FREM3: variants seen among roughly 807,000 people sequenced by gnomAD.
The protein encoded by FREM3 is FRAS1-related extracellular matrix protein 3.
FREM3 carries 105 observed loss-of-function variants against 129.1 expected under a neutral mutation model. The observed-to-expected ratio is 0.81, with a 90% confidence interval of 0.69 to 0.96. The LOEUF (loss-of-function observed/expected upper bound fraction) is 0.96, where lower values mean the gene tolerates loss of function less well. FREM3 is among the 40% of genes least tolerant of loss of function. The pLI is 0.00. For missense variants in FREM3, 2,593 were observed against 2,666.3 expected (o/e 0.97, Z 0.61); for synonymous variants, 1,014 against 1,044.9 (o/e 0.97, Z 0.57).
intron 7 of FREM3, among the ~76,000 whole-genome samples, chr4:143,582,561 G>C (rs368933397): frequency 1.3e-5 from 2 of 152,182 alleles, no homozygotes; most frequent in Non-Finnish European, 2.9e-5. Flanking sequence ...AGCCCATACA[G>C]ATGAGAAAGA....
intron 6 of FREM3, 71 bp downstream of exon 6, chr4:143,611,208 C>T (rs1738749130): frequency 6.9e-7 from 1 of 1,456,056 alleles, no homozygotes. Context: ...CTACATTTGC[C>T]TTTCAACTGT....
rs1365520723 is a variant in FREM3 at position 143,696,648 on chromosome 4, CTG to C, written c.4026_4027del (p.Ser1343PhefsTer36). ...TTGAGGCCCAGAATGGAGGACAAAA[CTG>C]AGGCTTTTATCATCTGAGTCAAGAT... is the stretch of plus-strand genomic sequence containing the variant. On this transcript the variant is annotated frameshift_variant, in exon 1 of 8. Transcript: ENST00000329798. LOFTEE classifies it high-confidence loss of function. 6.5e-7 allele frequency: 1 copy of C among 1,537,846 alleles called. No individual in the cohort carries two copies. The highest frequency in any genetic ancestry group is 2.0e-5 in the Admixed American group (1 of 51,004).
At chr4:143,627,470 C>G (rs184102607) in intron 3 of FREM3, 144 bp downstream of exon 3, 1 of 718,812 alleles carries the variant, frequency 1.4e-6, no homozygotes, top group African/African-American at 1.8e-5. Flanking sequence ...GCAAAAACCA[C>G]GGCACATTTT....
intron 6 of FREM3, among the ~76,000 whole-genome samples, chr4:143,605,781 A>G (rs1489323545): frequency 6.6e-6 from 1 of 152,186 alleles, no homozygotes; most frequent in African/African-American, 2.4e-5. Context: ...CAAAAAATTT[A>G]CTACTTTATA....
intron 2 of FREM3, among the ~76,000 whole-genome samples, chr4:143,635,422 A>G (rs1442897726): frequency 1.3e-5 from 2 of 152,184 alleles, no homozygotes; most frequent in South Asian, 2.1e-4. Context: ...TACTACTGAC[A>G]TTATGGGCTA....
rs904611673 is a variant in FREM3, at chr4:143,700,135, G to A, written c.541C>T (p.Leu181=). 6.5e-7 allele frequency: 1 copy of A among 1,536,930 alleles called. No homozygotes were observed. Among genetic ancestry groups the A allele is most frequent in the Admixed American group, 2.0e-5 (1 of 50,986 alleles). ...TRNRPLVVEK[L]RSWSRAIDRR... Reference sequence around the variant, plus strand: ...TCTATGGCGCGGCTCCAGCTTCGCAGCTTCTCCACTACCAAAGGCCTGTTA... The same window carrying A: ...TCTATGGCGCGGCTCCAGCTTCGCAACTTCTCCACTACCAAAGGCCTGTTA... The change falls in exon 1 of 8, where the codon CTG becomes TTG. Residue 181 remains leucine, a synonymous_variant. Transcript: ENST00000329798.
Position 143,697,465 on chromosome 4 carries a change from T to C in FREM3, c.3211A>G (p.Lys1071Glu), listed in dbSNP as rs1740596721. ...TVLPVDNVGP[K>E]VFVGESFIVY... The stretch of plus-strand genomic sequence containing the variant: ...ATGAAGGACTCCCCGACGAAGACCT[T>C]GGGTCCCACATTGTCCACAGGCAGC... The change falls in exon 1 of 8, where the codon AAG (lysine) becomes GAG (glutamate). Residue 1071 changes from lysine to glutamate, a missense_variant. By Grantham distance (56) the Lys-to-Glu change is moderately conservative (BLOSUM62 1). This residue lies in a region of FREM3 where 2,276 missense variants were observed against 2,267.2 expected (regional missense o/e 1.00). Transcript: ENST00000329798. The C allele has an allele frequency of 6.5e-7, 1 of 1,537,206 alleles. No homozygotes were observed. Among genetic ancestry groups the C allele is most frequent in the East Asian group, 2.4e-5 (1 of 40,910 alleles).
intron 6 of FREM3, among the ~76,000 whole-genome samples, chr4:143,598,452 C>T (rs999882931): frequency 2.6e-5 from 4 of 152,120 alleles, no homozygotes; most frequent in Non-Finnish European, 5.9e-5. Flanking sequence ...AGCTTCTGGA[C>T]ATCTATAGTA....
chr4:143,626,515 T>C (rs1337038908), intron 3 of FREM3, among the ~76,000 whole-genome samples: 1 of 152,182 alleles, frequency 6.6e-6, no homozygotes, highest in Non-Finnish European at 1.5e-5. Context: ...AATATCCTTC[T>C]TGACATTTTA....
At position 143,639,047 on chromosome 4, in the gene FREM3, G is replaced by T. The variant is rs72723190; in HGVS notation, c.5276-11287C>A. On this transcript the variant is annotated intron_variant, in intron 2 of 7. Coordinates refer to ENST00000329798, the MANE Select transcript of FREM3 (RefSeq NM_001168235.2). ...ATTCTTCCTTTTTGTGCTATGTAAG[G>T]ATCCTTCTGTGTTGTTATAAGGATC... is the stretch of plus-strand genomic sequence containing the variant. Among the ~76,000 whole-genome samples the T allele has an allele frequency of 3.9e-3, 600 of 152,182 alleles. 5 individuals are homozygous for T. Among genetic ancestry groups the T allele is most frequent in the South Asian group, 0.014 (68 of 4,822 alleles).
At chr4:143,647,032 C>T (rs532955049) in intron 2 of FREM3, among the ~76,000 whole-genome samples, 1 of 152,148 alleles carries the variant, frequency 6.6e-6, no homozygotes, top group African/African-American at 2.4e-5. Flanking sequence ...TTCCTAGAGA[C>T]TTGTTGAATG....
intron 7 of FREM3, among the ~76,000 whole-genome samples, chr4:143,581,860 T>G (rs1301135636): frequency 6.6e-6 from 1 of 152,066 alleles, no homozygotes; most frequent in Non-Finnish European, 1.5e-5. Flanking sequence ...CCTTTGTTAC[T>G]GCCACTGTAG....
At chr4:143,625,243 C>T (rs1266243028) in intron 3 of FREM3, among the ~76,000 whole-genome samples, 1 of 152,108 alleles carries the variant, frequency 6.6e-6, no homozygotes, top group African/African-American at 2.4e-5. Context: ...ACCAAGAAAA[C>T]AATACCCATG....
chr4:143,584,213 T>C (rs917883852), intron 7 of FREM3, among the ~76,000 whole-genome samples: 5 of 151,848 alleles, frequency 3.3e-5, no homozygotes, highest in South Asian at 2.1e-4. Flanking sequence ...ATCGAGACCA[T>C]CCTGGCTAAC....
chr4:143,693,147 T>C lies in FREM3; in HGVS notation c.5241A>G (p.Ser1747=). 6.6e-7 allele frequency: 1 copy of C among 1,522,760 alleles called. No individual in the cohort carries two copies. The highest frequency in any genetic ancestry group is 8.8e-7 in the Non-Finnish European group (1 of 1,138,360). 94.3% of individuals were successfully genotyped at this position (1,522,760 alleles called of 1,614,324 possible). ...SYVLNEGSNA[S]KDIFYFSVED... is the part of the protein sequence containing the mutation. The stretch of plus-strand genomic sequence containing the variant: ...CAACAGAGAAATAGAAGATGTCCTT[T>C]GATGCGTTGCTGCCCTCATTCAAGA... Residue 1747 remains serine, a synonymous_variant, in exon 2 of 8, where the codon TCA becomes TCG. Transcript: ENST00000329798.
chr4:143,632,083 A>T (rs547306775), intron 2 of FREM3, among the ~76,000 whole-genome samples: 70 of 152,272 alleles, frequency 4.6e-4, no homozygotes, highest in Non-Finnish European at 7.4e-4. Flanking sequence ...TTTTTGAAGG[A>T]TGATTGATGA....
chr4:143,648,563 C>T (rs1739459931), intron 2 of FREM3, among the ~76,000 whole-genome samples: 1 of 152,196 alleles, frequency 6.6e-6, no homozygotes, highest in African/African-American at 2.4e-5. Flanking sequence ...AGTGACTTCT[C>T]ATGAGATCTG....
chr4:143,695,797 C>G lies in FREM3; in HGVS notation c.4879G>C (p.Gly1627Arg), dbSNP rs956700509. 3 of 1,537,220 alleles carry G rather than the reference C, an allele frequency of 2.0e-6. No homozygotes were observed. Among genetic ancestry groups the G allele is most frequent in the Non-Finnish European group, 1.7e-6 (2 of 1,146,904 alleles). The change falls in exon 1 of 8, where the codon GGC becomes CGC. Residue 1627 changes from glycine to arginine, a missense_variant. This residue lies in a region of FREM3 where 2,276 missense variants were observed against 2,267.2 expected (regional missense o/e 1.00). Transcript: ENST00000329798. Reference protein sequence around the residue: ...EDSFSLTVTDGTHTDFYVLPD... With the variant: ...EDSFSLTVTDRTHTDFYVLPD... ...AGGACATAGAAATCAGTGTGAGTGCCGTCTGTCACAGTCAAGGAGAAACTA... is the reference window on the plus strand; with the variant it reads ...AGGACATAGAAATCAGTGTGAGTGCGGTCTGTCACAGTCAAGGAGAAACTA...
In FREM3 at chr4:143,696,270, C is replaced by T. The variant is rs764816331; in HGVS notation, c.4406G>A (p.Ser1469Asn). 5.9e-6 allele frequency: 9 copies of T among 1,537,626 alleles called. No individual in the cohort carries two copies. The African/African-American group carries it at 1.1e-4, about 19-fold the overall frequency. The stretch of plus-strand genomic sequence containing the variant: ...GTCAGAACTTTCTAAGTGACCCAGG[C>T]TTGGAGCCCGTGTAATGCTAAAGTG... ...EHHFSITRAP[S>N]LGHLESSDYA... is the part of the protein sequence containing the mutation. The change falls in exon 1 of 8, where the codon AGC (serine) becomes AAC (asparagine). Residue 1469 changes from serine (S) to asparagine (N), a missense_variant. Around this residue, in one of 2 missense-constraint regions of FREM3, gnomAD observed 2,276 missense variants for 2,267.2 expected, o/e 1.00. Coordinates refer to ENST00000329798, the MANE Select transcript of FREM3 (RefSeq NM_001168235.2).
Sources: gnomAD v4.1 joint callset for allele counts (sites outside exome capture counted in the v4.1 genomes callset) on GRCh38, gnomAD v4.1.1 for gene constraint, gnomAD v4.1.1 regional missense constraint, MANE v1.5 for transcripts, NCBI Gene and HGNC (gene_info 2026-07-23, HGNC 2026-07-21) for gene names.